The following RAP1GDS1 variants were observed in gnomAD, a reference collection of about 807,000 sequenced individuals.
RAP1GDS1 encodes RAP1, GTP-GDP dissociation stimulator 1.
Under a neutral mutation model 71.1 loss-of-function variants are expected in RAP1GDS1, and 35 were observed. That is an observed-to-expected ratio of 0.49 (90% confidence interval 0.38 to 0.65). The LOEUF is 0.65. Ranked by LOEUF, RAP1GDS1 falls within the 30% of genes least tolerant of loss-of-function variation. The probability of loss-of-function intolerance (pLI) is 0.00; values close to 1 mark genes in which losing one functional copy is unlikely to be tolerated. For missense variants in RAP1GDS1, 663 were observed against 706.1 expected (o/e 0.94, Z 0.69); for synonymous variants, 229 against 243.1 (o/e 0.94, Z 0.54).
chr4:98,379,004 C>G lies in RAP1GDS1; in HGVS notation c.362-13C>G, dbSNP rs1207869570. 6.4e-7 allele frequency: 1 copy of G among 1,559,736 alleles called. No homozygotes were observed. ...TTTTTCTTTTATTTTTAATTTAACTCTTTGTTTTACAGATGAGGGCAGAAG... is the reference window on the plus strand; with the variant it reads ...TTTTTCTTTTATTTTTAATTTAACTGTTTGTTTTACAGATGAGGGCAGAAG... On this transcript the variant is annotated splice_polypyrimidine_tract_variant and intron_variant, in intron 4 of 14. Coordinates refer to ENST00000408927, the MANE Select transcript of RAP1GDS1 (RefSeq NM_001100427.2).
chr4:98,410,327 T>C (rs1046490889), intron 7 of RAP1GDS1, among the ~76,000 whole-genome samples: 3 of 152,116 alleles, frequency 2.0e-5, no homozygotes, highest in Admixed American at 6.5e-5. Flanking sequence ...AATATAGATA[T>C]GAAAATGTTC....
At chr4:98,330,507 G>T (rs1733808092) in intron 2 of RAP1GDS1, among the ~76,000 whole-genome samples, 1 of 150,262 alleles carries the variant, frequency 6.7e-6, no homozygotes, top group Non-Finnish European at 1.5e-5. Context: ...CTCCCAGACG[G>T]GGTGGTGGCC....
chr4:98,311,307 G>GA lies in RAP1GDS1; in HGVS notation c.112+17798dup, dbSNP rs548261505. On this transcript the variant is annotated intron_variant, in intron 2 of 14. Transcript: ENST00000408927. ...GTAAGCATTTTGCTAGGCCTCTGAA[G>GA]AAAAAATGTGGAATTTTGTCAAAGA... 5.0e-4 allele frequency among the ~76,000 whole-genome samples: 76 copies of GA among 152,146 alleles called. No individual in the cohort carries two copies. The East Asian group carries it at 0.014, about 29-fold the overall frequency.
chr4:98,292,694 AAAT>A (rs1405159566), intron 1 of RAP1GDS1, among the ~76,000 whole-genome samples: 4 of 152,274 alleles, frequency 2.6e-5, no homozygotes, highest in Admixed American at 6.5e-5. Flanking sequence ...GTAAATTACT[AAAT>A]AATTTTAAAA....
chr4:98,387,863 C>T (rs775220188), intron 5 of RAP1GDS1, among the ~76,000 whole-genome samples: 1 of 152,118 alleles, frequency 6.6e-6, no homozygotes, highest in Non-Finnish European at 1.5e-5. Context: ...CTGAGGGAGG[C>T]AGAAGTAGTA....
chr4:98,267,520 G>A (rs1722863374), intron 1 of RAP1GDS1, among the ~76,000 whole-genome samples: 1 of 152,096 alleles, frequency 6.6e-6, no homozygotes, highest in Non-Finnish European at 1.5e-5. Context: ...GTAGTCCCCA[G>A]TATCTGTTGT....
In RAP1GDS1 at chr4:98,442,914, C is replaced by T; in HGVS notation, c.*797C>T. 1 of 229,968 alleles carries T rather than the reference C, an allele frequency of 4.3e-6. No individual in the cohort carries two copies. Among genetic ancestry groups the T allele is most frequent in the East Asian group, 6.2e-5 (1 of 16,208 alleles). 14.2% of individuals were successfully genotyped at this position (229,968 alleles called of 1,614,324 possible). On this transcript the variant is annotated 3_prime_UTR_variant, in exon 15 of 15. Coordinates refer to ENST00000408927, the MANE Select transcript of RAP1GDS1 (RefSeq NM_001100427.2). ...ACGCTGTTTCACTCAGGAACTACTT[C>T]TACCAGTTAATCAGCATTATCCAGC...
At chr4:98,323,795 G>T (rs1387344587) in intron 2 of RAP1GDS1, among the ~76,000 whole-genome samples, 2 of 151,438 alleles carry the variant, frequency 1.3e-5, no homozygotes, top group Admixed American at 6.6e-5. Context: ...AGCTATCTAT[G>T]ACAAACCCAC....
At chr4:98,427,484 AG>A (rs968484551) in intron 12 of RAP1GDS1, among the ~76,000 whole-genome samples, 1 of 152,184 alleles carries the variant, frequency 6.6e-6, no homozygotes, top group Non-Finnish European at 1.5e-5. Flanking sequence ...TCCTCCAAAA[AG>A]CTCCTAGAAC....
At chr4:98,296,406 G>C (rs1451675021) in intron 2 of RAP1GDS1, among the ~76,000 whole-genome samples, 1 of 151,750 alleles carries the variant, frequency 6.6e-6, no homozygotes, top group South Asian at 2.1e-4. Context: ...TTTACCATTG[G>C]CAGTATTTCT....
chr4:98,285,689 C>T (rs913566922), intron 1 of RAP1GDS1, among the ~76,000 whole-genome samples: 16 of 151,146 alleles, frequency 1.1e-4, no homozygotes, highest in Admixed American at 2.6e-4. Context: ...AGGTTGATCA[C>T]CATTGAATAA....
intron 6 of RAP1GDS1, among the ~76,000 whole-genome samples, chr4:98,403,659 C>G (rs564226558): frequency 6.6e-6 from 1 of 152,198 alleles, no homozygotes; most frequent in East Asian, 1.9e-4. Flanking sequence ...CTGTTTGGTG[C>G]TATGGAAGAG....
At chr4:98,410,190 TATAAC>T (rs1330302987) in intron 7 of RAP1GDS1, among the ~76,000 whole-genome samples, 31 of 152,110 alleles carry the variant, frequency 2.0e-4, no homozygotes, top group Admixed American at 1.4e-3. Flanking sequence ...AGAATATAAT[TATAAC>T]ATATAACTGA....
chr4:98,313,877 A>C (rs1334665813), intron 2 of RAP1GDS1, among the ~76,000 whole-genome samples: 1 of 152,164 alleles, frequency 6.6e-6, no homozygotes, highest in Non-Finnish European at 1.5e-5. Context: ...ATCATGTCCT[A>C]CTTTTTAATA....
At chr4:98,354,078 C>T (rs947743855) in intron 4 of RAP1GDS1, among the ~76,000 whole-genome samples, 2 of 137,688 alleles carry the variant, frequency 1.5e-5, no homozygotes, top group Non-Finnish European at 3.1e-5. Flanking sequence ...TTTTTTGAGA[C>T]GGAGTCTCGC....
rs1364610529 is a variant in RAP1GDS1 at position 98,443,019 on chromosome 4, T to TTTTTTCTTTTTTTTTTTTTTTTC, written c.*907_*908insCTTTTTTTTTTTTTTTTCTTTTT. 5.2e-6 allele frequency: 1 copy of TTTTTTCTTTTTTTTTTTTTTTTC among 191,078 alleles called. No individual in the cohort carries two copies. The highest frequency in any genetic ancestry group is 2.0e-4 in the South Asian group (1 of 5,002). The allele number at this position is 191,078 out of a possible 1,614,324, so 11.8% of individuals were successfully genotyped here. A position where few individuals can be genotyped will look rare whatever the true frequency, so the allele number is the denominator to read the frequency against. ...TATAGTTCATTGAAGAATGGAATTT[T>TTTTTTCTTTTTTTTTTTTTTTTC]TTTTTTTTTTTTTTTTTTTGCTGTT... On this transcript the variant is annotated 3_prime_UTR_variant, in exon 15 of 15. Transcript: ENST00000408927.
intron 2 of RAP1GDS1, among the ~76,000 whole-genome samples, chr4:98,329,045 G>T (rs779158957): frequency 6.6e-6 from 1 of 152,144 alleles, no homozygotes; most frequent in Non-Finnish European, 1.5e-5. Context: ...ACCAAGCATC[G>T]TATGCACATT....
intron 14 of RAP1GDS1, chr4:98,441,787 T>TA (rs1195274917): frequency 4.1e-5 from 23 of 562,482 alleles, no homozygotes; most frequent in Non-Finnish European, 5.2e-5. Context: ...TCCTTTAATT[T>TA]AAAAAAAAGT....
intron 4 of RAP1GDS1, among the ~76,000 whole-genome samples, chr4:98,362,703 C>T (rs1738922070): frequency 6.6e-6 from 1 of 152,124 alleles, no homozygotes; most frequent in Non-Finnish European, 1.5e-5. Flanking sequence ...TGAAAACTTC[C>T]TTTTTAACAC....
Sources: allele counts gnomAD v4.1 joint callset (sites outside exome capture counted in the v4.1 genomes callset), GRCh38; gene constraint gnomAD v4.1.1; transcripts MANE v1.5; gene names NCBI Gene and HGNC (gene_info 2026-07-23, HGNC 2026-07-21).